The following SRCAP variants were observed in gnomAD, a reference collection of about 807,000 sequenced individuals.
SRCAP encodes chromatin remodeling protein SRCAP.
In SRCAP, 46 loss-of-function variants were observed where a neutral mutation model predicts 263.1. The ratio of observed to expected loss-of-function variants is 0.17; its 90% CI spans 0.14 to 0.22. The LOEUF is 0.22. SRCAP is among the 10% of genes least tolerant of loss of function. The probability of loss-of-function intolerance (pLI) is 1.00; values close to 1 mark genes in which losing one functional copy is unlikely to be tolerated. For synonymous variants in SRCAP, 1,813 were observed against 1,662.1 expected, an observed-to-expected ratio of 1.09 and a Z score of -2.21; for missense variants, 3,695 against 4,181.9, an observed-to-expected ratio of 0.88 and a Z score of 3.21.
intron 27 of SRCAP, among the ~76,000 whole-genome samples, chr16:30,731,710 A>G (rs2053116374): frequency 6.6e-6 from 1 of 151,810 alleles, no homozygotes; most frequent in Non-Finnish European, 1.5e-5. Flanking sequence ...AAAACTGAAA[A>G]ATTAGTGGAT....
In SRCAP at chr16:30,700,755, G is replaced by C; in HGVS notation, c.-70G>C. ...CCCTGCAGCCGGACGCCAGCCCCTC[G>C]GCCAGCAGTACTGGTGATAACAACC... On this transcript the variant is annotated 5_prime_UTR_variant, in exon 3 of 34. Coordinates refer to ENST00000262518, the MANE Select transcript of SRCAP (RefSeq NM_006662.3). The C allele has an allele frequency of 6.1e-6, 9 of 1,473,566 alleles. No homozygotes were observed. Among genetic ancestry groups the C allele is most frequent in the Non-Finnish European group, 8.5e-6 (9 of 1,061,714 alleles). The allele number at this position is 1,473,566 out of a possible 1,614,324, so 91.3% of individuals were successfully genotyped here.
intron 18 of SRCAP, among the ~76,000 whole-genome samples, chr16:30,717,951 G>A (rs991939626): frequency 2.2e-4 from 33 of 149,324 alleles, no homozygotes; most frequent in Non-Finnish European, 4.4e-4. Context: ...AAGAGATGGT[G>A]TCTTGCCATG....
chr16:30,735,650 G>A (rs1335653975), intron 31 of SRCAP, among the ~76,000 whole-genome samples: 7 of 128,590 alleles, frequency 5.4e-5, no homozygotes, highest in African/African-American at 1.8e-4. Context: ...GCGCGATCTC[G>A]GCTCACTACA....
Position 30,721,217 on chromosome 16 carries a change from T to A in SRCAP, c.3282T>A (p.Ser1094Arg). Residue 1094 changes from serine (S) to arginine (R), a missense_variant, in exon 21 of 34, where the codon AGT (serine) becomes AGA (arginine). Physicochemically the swap from Ser to Arg is moderately radical, Grantham distance 110. Transcript: ENST00000262518. Reference sequence around the variant, plus strand: ...TGCCATCCCCCCTGGGGGTCCTGAGTGGGACCTCACGGCCTCCCACGCCAA... The same window carrying A: ...TGCCATCCCCCCTGGGGGTCCTGAGAGGGACCTCACGGCCTCCCACGCCAA... ...QVLPSPLGVLSGTSRPPTPTL... is the reference protein window; with the variant it reads ...QVLPSPLGVLRGTSRPPTPTL... 1 of 1,612,782 alleles carries A rather than the reference T, an allele frequency of 6.2e-7. No homozygotes were observed. Among genetic ancestry groups the A allele is most frequent in the Non-Finnish European group, 8.5e-7 (1 of 1,179,322 alleles).
Position 30,716,313 on chromosome 16 carries a change from C to T in SRCAP, c.2651C>T (p.Thr884Ile), listed in dbSNP as rs748447295. ...AQTTTKETLA[T>I]GHFMSVINIL... is the part of the protein sequence containing the mutation. The stretch of plus-strand genomic sequence containing the variant: ...CCCAGAACTAAGGAGACACTAGCCA[C>T]AGGCCATTTCATGAGCGTCATCAAC... Residue 884 changes from threonine to isoleucine, a missense_variant, in exon 18 of 34, where the codon ACA (threonine) becomes ATA (isoleucine). This residue lies in a region of SRCAP where 147 missense variants were observed against 212.7 expected (regional missense o/e 0.69). Coordinates refer to ENST00000262518, the MANE Select transcript of SRCAP (RefSeq NM_006662.3). 1.4e-5 allele frequency: 23 copies of T among 1,614,030 alleles called. No homozygotes were observed. The East Asian group carries it at 4.0e-4, about 28-fold the overall frequency.
At position 30,723,977 on chromosome 16, in the gene SRCAP, C is replaced by G; in HGVS notation, c.4553C>G (p.Ser1518Cys). ...GCCACAGCTCCATCCCTGTCTTCAT[C>G]TCAGACACCTGGTCACCCTCTGTTG... ...GLATAPSLSS[S>C]QTPGHPLLLA... The change falls in exon 25 of 34, where the codon TCT becomes TGT. Residue 1518 changes from serine to cysteine, a missense_variant. Around this residue, in one of 12 missense-constraint regions of SRCAP, gnomAD observed 1,347 missense variants for 1,304.4 expected, o/e 1.03. Coordinates refer to ENST00000262518, the MANE Select transcript of SRCAP (RefSeq NM_006662.3). 1.2e-6 allele frequency: 2 copies of G among 1,614,188 alleles called. No homozygotes were observed.
rs1315686777 is a variant in SRCAP at position 30,723,966 on chromosome 16, C to A, written c.4542C>A (p.Ser1514=). Residue 1514 remains serine, a synonymous_variant, in exon 25 of 34, where the codon TCC becomes TCA. Transcript: ENST00000262518. ...ALTLGLATAP[S]LSSSQTPGHP... ...CTCTAGGTTTGGCCACAGCTCCATC[C>A]CTGTCTTCATCTCAGACACCTGGTC... 6.2e-7 allele frequency: 1 copy of A among 1,614,050 alleles called. No individual in the cohort carries two copies. The highest frequency in any genetic ancestry group is 2.2e-5 in the East Asian group (1 of 44,902).
Position 30,737,961 on chromosome 16 carries a change from G to A in SRCAP, c.7921G>A (p.Glu2641Lys). ...CCTTACAGTGCTGCCTGAAGGTGAG[G>A]AGTTGCCCCTGTGTGTGAGTGAGAG... ...TTLTVLPEGEELPLCVSESNG... is the reference protein window; with the variant it reads ...TTLTVLPEGEKLPLCVSESNG... The change falls in exon 34 of 34, where the codon GAG becomes AAG. Residue 2641 changes from glutamate (E) to lysine (K), a missense_variant. By Grantham distance (56) the Glu-to-Lys change is moderately conservative. Transcript: ENST00000262518. 1 of 1,614,184 alleles carries A rather than the reference G, an allele frequency of 6.2e-7. No individual in the cohort carries two copies. Among genetic ancestry groups the A allele is most frequent in the Non-Finnish European group, 8.5e-7 (1 of 1,180,038 alleles).
At position 30,711,670 on chromosome 16, in the gene SRCAP, A is replaced by T; in HGVS notation, c.1418A>T (p.Asn473Ile). 6.2e-7 allele frequency: 1 copy of T among 1,614,104 alleles called. No homozygotes were observed. Among genetic ancestry groups the T allele is most frequent in the South Asian group, 1.1e-5 (1 of 91,082 alleles). The stretch of plus-strand genomic sequence containing the variant: ...GAGGATGAAGATGAGGTTGATGCTA[A>T]TAGCTCTGACTGTGAACCAGAGGGG... ...EDEDEDEVDA[N>I]SSDCEPEGPV... The change falls in exon 11 of 34, where the codon AAT (asparagine) becomes ATT (isoleucine). Residue 473 changes from asparagine to isoleucine, a missense_variant. Asn to Ile is a moderately radical substitution (Grantham distance 149). Coordinates refer to ENST00000262518, the MANE Select transcript of SRCAP (RefSeq NM_006662.3).
chr16:30,703,552 C>G (rs1343126437), intron 3 of SRCAP, among the ~76,000 whole-genome samples: 5 of 151,766 alleles, frequency 3.3e-5, no homozygotes, highest in Admixed American at 1.3e-4. Context: ...ATAATTCTTG[C>G]ATGTCAAGCA....
At position 30,710,106 on chromosome 16, in the gene SRCAP, A is replaced by G. The variant is rs776182918; in HGVS notation, c.1112A>G (p.Glu371Gly). 6.2e-7 allele frequency: 1 copy of G among 1,613,968 alleles called. No individual in the cohort carries two copies. Among genetic ancestry groups the G allele is most frequent in the Admixed American group, 1.7e-5 (1 of 59,982 alleles). Residue 371 changes from glutamate (E) to glycine (G), a missense_variant, in exon 8 of 34, where the codon GAA becomes GGA. This residue lies in a region of SRCAP where 288 missense variants were observed against 302.4 expected (regional missense o/e 0.95). Transcript: ENST00000262518. Reference sequence around the variant, plus strand: ...GATGGGCCTGAAGAAGGTGCTGAAGAAGAGCCCCCTCAGGTGTTGGAGGTA... The same window carrying G: ...GATGGGCCTGAAGAAGGTGCTGAAGGAGAGCCCCCTCAGGTGTTGGAGGTA... ...TRDGPEEGAE[E>G]EPPQVLEIKP...
At chr16:30,732,359 G>T (rs1378821634) in intron 27 of SRCAP, among the ~76,000 whole-genome samples, 1 of 151,424 alleles carries the variant, frequency 6.6e-6, no homozygotes, top group Non-Finnish European at 1.5e-5. Context: ...GCTGAGGCAG[G>T]AAAATTGCTT....
rs1162122619 is a variant in SRCAP, at chr16:30,722,966, C to T, written c.3896C>T (p.Pro1299Leu). Reference sequence around the variant, plus strand: ...TCAGTGTAGCTTCCTCTTGCAGTGCCACCAACCATGGTGAATAATACAGGC... The same window carrying T: ...TCAGTGTAGCTTCCTCTTGCAGTGCTACCAACCATGGTGAATAATACAGGC... ...LSLPLAANQV[P>L]PTMVNNTGVV... Residue 1299 changes from proline (P) to leucine (L), a missense_variant, in exon 24 of 34, where the codon CCA becomes CTA. Pro to Leu is a moderately conservative substitution (Grantham distance 98). This residue lies in a region of SRCAP where 1,347 missense variants were observed against 1,304.4 expected (regional missense o/e 1.03). Coordinates refer to ENST00000262518, the MANE Select transcript of SRCAP (RefSeq NM_006662.3). The T allele has an allele frequency of 6.2e-7, 1 of 1,605,004 alleles. No individual in the cohort carries two copies. The highest frequency in any genetic ancestry group is 1.1e-5 in the South Asian group (1 of 90,696).
Position 30,711,698 on chromosome 16 carries a change from C to T in SRCAP, c.1446C>T (p.Pro482=), listed in dbSNP as rs147749391. The T allele has an allele frequency of 3.5e-5, 57 of 1,613,556 alleles. No individual in the cohort carries two copies. The highest frequency in any genetic ancestry group is 6.7e-5 in the Admixed American group (4 of 59,862). The change falls in exon 11 of 34, where the codon CCC becomes CCT. Residue 482 remains proline (P), a synonymous_variant. Coordinates refer to ENST00000262518, the MANE Select transcript of SRCAP (RefSeq NM_006662.3). ...GCTCTGACTGTGAACCAGAGGGGCC[C>T]GTGGAAGCGGAAGAGCCTCCTCAGG... is the stretch of plus-strand genomic sequence containing the variant. ...ANSSDCEPEG[P]VEAEEPPQED... is the part of the protein sequence containing the mutation.
At chr16:30,707,158 G>A in intron 4 of SRCAP, 25 bp from the exon 5 acceptor site, 1 of 1,612,782 alleles carries the variant, frequency 6.2e-7, no homozygotes, top group South Asian at 1.1e-5. Flanking sequence ...TAGAACTGTT[G>A]ATTGATCTGG....
Position 30,725,059 on chromosome 16 carries a change from C to T in SRCAP, c.5635C>T (p.Pro1879Ser), listed in dbSNP as rs748900664. ...GPRPRRQPPP[P>S]PRSPFYLDSL... ...CCGGCCTCGACGCCAGCCCCCCCCA[C>T]CACCTCGTTCCCCTTTTTATCTGGT... is the stretch of plus-strand genomic sequence containing the variant. The change falls in exon 25 of 34, where the codon CCA (proline) becomes TCA (serine). Residue 1879 changes from proline to serine, a missense_variant. This residue lies in a region of SRCAP where 1,347 missense variants were observed against 1,304.4 expected (regional missense o/e 1.03). Coordinates refer to ENST00000262518, the MANE Select transcript of SRCAP (RefSeq NM_006662.3). The T allele has an allele frequency of 6.2e-7, 1 of 1,611,506 alleles. No individual in the cohort carries two copies. The highest frequency in any genetic ancestry group is 8.5e-7 in the Non-Finnish European group (1 of 1,178,422).
At chr16:30,717,731 C>T (rs2052966824) in intron 18 of SRCAP, among the ~76,000 whole-genome samples, 1 of 150,528 alleles carries the variant, frequency 6.6e-6, no homozygotes, top group Admixed American at 6.6e-5. Flanking sequence ...TCCACAGCCT[C>T]CCGAGTAGCT....
chr16:30,704,961 G>C (rs1163442463), intron 4 of SRCAP, among the ~76,000 whole-genome samples: 2 of 152,164 alleles, frequency 1.3e-5, no homozygotes, highest in Non-Finnish European at 2.9e-5. Context: ...TGGTAAGTGT[G>C]GTCTCTGGGC....
chr16:30,723,854 C>T lies in SRCAP; in HGVS notation c.4430C>T (p.Thr1477Ile), dbSNP rs762771034. The stretch of plus-strand genomic sequence containing the variant: ...GGCCCAGCTCTGTTGACCAGTGTGA[C>T]TCCACCATTGGCACCTGTTGTCCCA... ...ASGPALLTSVTPPLAPVVPAA... is the reference protein window; with the variant it reads ...ASGPALLTSVIPPLAPVVPAA... Residue 1477 changes from threonine (T) to isoleucine (I), a missense_variant, in exon 25 of 34, where the codon ACT becomes ATT. Physicochemically the swap from Thr to Ile is moderately conservative, Grantham distance 89. This residue lies in a region of SRCAP where 1,347 missense variants were observed against 1,304.4 expected (regional missense o/e 1.03). Coordinates refer to ENST00000262518, the MANE Select transcript of SRCAP (RefSeq NM_006662.3). 1.2e-6 allele frequency: 2 copies of T among 1,614,134 alleles called. No individual in the cohort carries two copies. The highest frequency in any genetic ancestry group is 1.7e-6 in the Non-Finnish European group (2 of 1,180,034).
Sources: gnomAD v4.1 joint callset for allele counts (sites outside exome capture counted in the v4.1 genomes callset) on GRCh38, gnomAD v4.1.1 for gene constraint, gnomAD v4.1.1 regional missense constraint, MANE v1.5 for transcripts, NCBI Gene and HGNC (gene_info 2026-07-23, HGNC 2026-07-21) for gene names.